The following ITIH1 variants were observed in gnomAD, a reference collection of about 807,000 sequenced individuals.
The protein encoded by ITIH1 is inter-alpha-trypsin inhibitor heavy chain H1.
Under a neutral mutation model 104.6 loss-of-function variants are expected in ITIH1, and 94 were observed. The ratio of observed to expected loss-of-function variants is 0.90; its 90% CI spans 0.76 to 1.07. ITIH1 has a LOEUF of 1.07. Among genes scored for constraint, ITIH1 ranks in the 50% least tolerant of loss-of-function variants. ITIH1 has a pLI of 0.00. For synonymous variants in ITIH1, 455 were observed against 464.4 expected, an observed-to-expected ratio of 0.98 and a Z score of 0.26; for missense variants, 1,193 against 1,181.4, an observed-to-expected ratio of 1.01 and a Z score of -0.14.
chr3:52,782,048 A>T lies in ITIH1; in HGVS notation c.796A>T (p.Lys266Ter), dbSNP rs1126897. 1 of 1,614,004 alleles carries T rather than the reference A, an allele frequency of 6.2e-7. No individual in the cohort carries two copies. Among genetic ancestry groups the T allele is most frequent in the Non-Finnish European group, 8.5e-7 (1 of 1,180,024 alleles). The change falls in exon 7 of 22, where the codon AAG becomes TAG. Residue 266 changes from lysine (K) to a stop codon, truncating the protein, a stop_gained. Transcript: ENST00000273283. LOFTEE classifies it high-confidence loss of function. ...GGTGACCTACGATGTCAGTCGAGAC[A>T]AGATCTGCGACCTCCTGGTGAGCCC... ...FKVTYDVSRD[K>*]ICDLLVANNH...
chr3:52,787,459 AG>A, intron 15 of ITIH1, 132 bp from the exon 16 acceptor site: 1 of 1,117,862 alleles, frequency 8.9e-7, no homozygotes, highest in Non-Finnish European at 1.4e-6. Flanking sequence ...GTGAGGAGGC[AG>A]GACCCCAGGG....
At position 52,789,783 on chromosome 3, in the gene ITIH1, C is replaced by T. The variant is rs1699302689; in HGVS notation, c.2250C>T (p.Asn750=). ...TDFQLEVTPQ[N]ITLNPGFGGP... ...TTCAGTTGGAAGTGACTCCTCAGAA[C>T]ATTACGCTGAACCCCGGCTTTGGTG... The change falls in exon 19 of 22, where the codon AAC becomes AAT. Residue 750 remains asparagine (N), a synonymous_variant. Transcript: ENST00000273283. 6.2e-7 allele frequency: 1 copy of T among 1,614,246 alleles called. No individual in the cohort carries two copies.
At chr3:52,787,495 G>T in intron 15 of ITIH1, 97 bp from the exon 16 acceptor site, 4 of 1,457,666 alleles carry the variant, frequency 2.7e-6, no homozygotes, top group Non-Finnish European at 3.9e-6. Flanking sequence ...CCAGAGGGAC[G>T]GCTGGGCCCA....
chr3:52,787,237 CTTCGG>C, intron 15 of ITIH1, 35 bp downstream of exon 15: 1 of 1,613,294 alleles, frequency 6.2e-7, no homozygotes, highest in Non-Finnish European at 8.5e-7. Context: ...CAGTTCTGGG[CTTCGG>C]TAGCTGGGCA....
chr3:52,780,584 C>A (rs1293719134), intron 6 of ITIH1, among the ~76,000 whole-genome samples: 1 of 152,228 alleles, frequency 6.6e-6, no homozygotes, highest in African/African-American at 2.4e-5. Context: ...CAAAAGCCTG[C>A]ATGCTGAGGT....
At chr3:52,791,100 C>T (rs555241001) in intron 20 of ITIH1, among the ~76,000 whole-genome samples, 179 bp downstream of exon 20, 2 of 152,248 alleles carry the variant, frequency 1.3e-5, no homozygotes, top group East Asian at 1.9e-4. Context: ...AGCAAACACA[C>T]AGTGAAACAA....
At chr3:52,788,148 G>C in intron 17 of ITIH1, 82 bp downstream of exon 17, 1 of 1,518,040 alleles carries the variant, frequency 6.6e-7, no homozygotes, top group Non-Finnish European at 9.1e-7. Context: ...GTCTCTCTCT[G>C]GGACCTGCCT....
In ITIH1 at chr3:52,779,109, T is replaced by C. The variant is rs1030736987; in HGVS notation, c.410+63T>C. On this transcript the variant is annotated intron_variant, in intron 4 of 21. Transcript: ENST00000273283. The surrounding 1 kb of genome is among the most constrained non-coding windows in gnomAD (Gnocchi z 4.4). ...CCCTCCCCAGCCAGGACAGGTCTGA[T>C]GGCTGCAAGGTGGCTTTAGTGGAGA... 1 of 1,196,716 alleles carries C rather than the reference T, an allele frequency of 8.4e-7. No homozygotes were observed. Among genetic ancestry groups the C allele is most frequent in the African/African-American group, 1.5e-5 (1 of 67,068 alleles). The allele number at this position is 1,196,716 out of a possible 1,614,324, so 74.1% of individuals were successfully genotyped here.
At chr3:52,784,268 C>T (rs753406106) in intron 10 of ITIH1, 28 bp from the exon 11 acceptor site, 23 of 1,598,342 alleles carry the variant, frequency 1.4e-5, no homozygotes, top group East Asian at 2.3e-5. Flanking sequence ...GCCAGCATCC[C>T]GTCACTACCC....
chr3:52,781,215 T>C (rs1328930346), intron 6 of ITIH1, among the ~76,000 whole-genome samples: 25 of 23,170 alleles, frequency 1.1e-3, no homozygotes, highest in African/African-American at 3.7e-3. Context: ...TTTTTTCTTC[T>C]TCTTCTTCTT....
At position 52,782,285 on chromosome 3, in the gene ITIH1, A is replaced by G; in HGVS notation, c.930+18A>G. 1 of 1,585,014 alleles carries G rather than the reference A, an allele frequency of 6.3e-7. No homozygotes were observed. The highest frequency in any genetic ancestry group is 1.1e-5 in the South Asian group (1 of 90,448). On this transcript the variant is annotated intron_variant, in intron 8 of 21. Coordinates refer to ENST00000273283, the MANE Select transcript of ITIH1 (RefSeq NM_002215.4). ...TGAAGCAGGTAGGCTGCAGCTTGAA[A>G]CAGCTCACCCAGCAGAAGCTTCCAC...
chr3:52,781,806 T>A (rs1362406804), intron 6 of ITIH1, 134 bp from the exon 7 acceptor site: 2 of 1,075,086 alleles, frequency 1.9e-6, no homozygotes, highest in Non-Finnish European at 2.7e-6. Context: ...GGTGAGTGAG[T>A]GGCCCACCGA....
Position 52,785,029 on chromosome 3 carries a change from C to T in ITIH1, c.1408-15C>T. 1.2e-6 allele frequency: 2 copies of T among 1,613,548 alleles called. No individual in the cohort carries two copies. The highest frequency in any genetic ancestry group is 2.2e-5 in the East Asian group (1 of 44,886). ...AGGGTGCTCAGCTCTAAGGCTGCAA[C>T]CTCTATCCCTGCAGGGTTTCTACAG... On this transcript the variant is annotated splice_polypyrimidine_tract_variant and intron_variant, in intron 11 of 21. Transcript: ENST00000273283.
At position 52,786,550 on chromosome 3, in the gene ITIH1, C is replaced by G. The variant is rs920111283; in HGVS notation, c.1733+116C>G. The G allele has an allele frequency of 2.9e-6, 3 of 1,047,712 alleles. No individual in the cohort carries two copies. The South Asian group carries it at 4.9e-5, about 17-fold the overall frequency. 64.9% of individuals were successfully genotyped at this position (1,047,712 alleles called of 1,614,324 possible). ...GCAAGTAGGTCAGATTTACTTTCCT[C>G]TTCTGCTTTGCTCACTGAGTTAATA... On this transcript the variant is annotated intron_variant, in intron 13 of 21. Transcript: ENST00000273283.
At chr3:52,788,496 A>C in intron 18 of ITIH1, 151 bp downstream of exon 18, 8 of 604,026 alleles carry the variant, frequency 1.3e-5, no homozygotes, top group Non-Finnish European at 2.1e-5. Context: ...TTCCCACGCC[A>C]TCCTCCTGGC....
intron 17 of ITIH1, 83 bp downstream of exon 17, chr3:52,788,149 G>A: frequency 1.3e-6 from 2 of 1,517,152 alleles, no homozygotes; most frequent in Non-Finnish European, 9.1e-7. Context: ...TCTCTCTCTG[G>A]GACCTGCCTA....
Position 52,791,628 on chromosome 3 carries a change from G to T in ITIH1, c.2606G>T (p.Arg869Met). The change falls in exon 21 of 22, where the codon AGG becomes ATG. Residue 869 changes from arginine (R) to methionine (M), a missense_variant and splice_region_variant. Transcript: ENST00000273283. ...VVRNRRLTVT[R>M]GLQKDYSKDP... is the part of the protein sequence containing the mutation. The stretch of plus-strand genomic sequence containing the variant: ...AGGAACCGCCGGCTCACGGTCACCA[G>T]GTGGGTGGGCTGCTTGCCCAGCACG... 1 of 1,613,802 alleles carries T rather than the reference G, an allele frequency of 6.2e-7. No homozygotes were observed. The highest frequency in any genetic ancestry group is 1.1e-5 in the South Asian group (1 of 91,072).
At chr3:52,777,891 C>T (rs1246117787) in intron 1 of ITIH1, 106 bp from the exon 2 acceptor site, 5 of 1,476,240 alleles carry the variant, frequency 3.4e-6, no homozygotes, top group Non-Finnish European at 4.7e-6. Flanking sequence ...GGAGGTGAAG[C>T]TAAGGGGCAG....
chr3:52,788,055 G>GA lies in ITIH1; in HGVS notation c.1995dup (p.Val666SerfsTer27), dbSNP rs1559465313. The GA allele has an allele frequency of 1.9e-6, 3 of 1,607,172 alleles. No individual in the cohort carries two copies. Among genetic ancestry groups the GA allele is most frequent in the Non-Finnish European group, 2.6e-6 (3 of 1,176,324 alleles). On this transcript the variant is annotated frameshift_variant, in exon 17 of 22. Coordinates refer to ENST00000273283, the MANE Select transcript of ITIH1 (RefSeq NM_002215.4). LOFTEE classifies it high-confidence loss of function. ...TCCAATACCCAGCGGCTGCCAGACC[G>GA]AGTGACCGGCGGTGAGTCCTTGGAA...
Sources: gnomAD v4.1 joint callset for allele counts (sites outside exome capture counted in the v4.1 genomes callset) on GRCh38, gnomAD v4.1.1 for gene constraint, Gnocchi (gnomAD v3.1) non-coding constraint, MANE v1.5 for transcripts, NCBI Gene and HGNC (gene_info 2026-07-23, HGNC 2026-07-21) for gene names.